Variants in CTNNA3 observed in about 807,000 individuals in gnomAD.
The protein encoded by CTNNA3 is catenin alpha-3.
CTNNA3 carries 76 observed loss-of-function variants against 95.7 expected under a neutral mutation model. The observed-to-expected ratio is 0.79, with a 90% CI of 0.66 to 0.96. The LOEUF is 0.96. Ranked by LOEUF, CTNNA3 falls within the 40% of genes least tolerant of loss-of-function variation. The pLI is 0.00. For missense variants in CTNNA3, 1,191 were observed against 1,089.8 expected, an observed-to-expected ratio of 1.09 and a Z score of -1.31; for synonymous variants, 431 against 374.4, an observed-to-expected ratio of 1.15 and a Z score of -1.74.
intron 13 of CTNNA3, among the ~76,000 whole-genome samples, chr10:66,114,392 A>G (rs1000150020): frequency 2.0e-5 from 3 of 151,720 alleles, no homozygotes; most frequent in Non-Finnish European, 4.4e-5. Flanking sequence ...GTGTGTATAT[A>G]TGTATATGTG....
At chr10:67,691,580 C>T (rs1840854810) in intron 1 of CTNNA3, among the ~76,000 whole-genome samples, 2 of 151,256 alleles carry the variant, frequency 1.3e-5, no homozygotes, top group Admixed American at 6.6e-5. Context: ...TCTGCCCGGT[C>T]GCCCCGTCTG....
intron 13 of CTNNA3, among the ~76,000 whole-genome samples, chr10:66,161,662 GAT>G (rs1337258194): frequency 1.3e-5 from 2 of 152,200 alleles, no homozygotes; most frequent in Non-Finnish European, 2.9e-5. Context: ...TGTATAGCCT[GAT>G]GACAATGTGC....
At chr10:66,644,620 T>C (rs1464123649) in intron 9 of CTNNA3, among the ~76,000 whole-genome samples, 1 of 151,788 alleles carries the variant, frequency 6.6e-6, no homozygotes, top group Non-Finnish European at 1.5e-5. Context: ...GCAAACTTTA[T>C]CCCCGTCTTA....
At chr10:66,822,791 C>A (rs1359165355) in intron 7 of CTNNA3, among the ~76,000 whole-genome samples, 1 of 152,178 alleles carries the variant, frequency 6.6e-6, no homozygotes, top group Admixed American at 6.5e-5. Flanking sequence ...GCTAGTAAGA[C>A]CTGCCAGGAA....
intron 13 of CTNNA3, among the ~76,000 whole-genome samples, chr10:66,273,963 G>T (rs1200558965): frequency 6.6e-6 from 1 of 151,958 alleles, no homozygotes. Flanking sequence ...TCGAAGAAAA[G>T]ACAATTCTAA....
At chr10:66,061,214 G>A (rs1354055275) in intron 15 of CTNNA3, among the ~76,000 whole-genome samples, 1 of 152,094 alleles carries the variant, frequency 6.6e-6, no homozygotes, top group African/African-American at 2.4e-5. Context: ...GAACAGAGAT[G>A]CCTTGCTGCA....
At chr10:66,713,702 A>T (rs1416997197) in intron 9 of CTNNA3, among the ~76,000 whole-genome samples, 1 of 152,078 alleles carries the variant, frequency 6.6e-6, no homozygotes, top group East Asian at 1.9e-4. Context: ...AGCCTTGTCC[A>T]CCTATATTCT....
chr10:67,023,606 A>G (rs1169280131), intron 7 of CTNNA3, among the ~76,000 whole-genome samples: 9 of 152,316 alleles, frequency 5.9e-5, no homozygotes, highest in Middle Eastern at 6.8e-3. Flanking sequence ...CTCAGCTTGG[A>G]AAGACCTAAA....
At chr10:66,681,539 T>C (rs1193452992) in intron 9 of CTNNA3, among the ~76,000 whole-genome samples, 2 of 152,050 alleles carry the variant, frequency 1.3e-5, no homozygotes, top group African/African-American at 4.8e-5. Context: ...CAAAACAATA[T>C]CGGAGTCCTG....
At chr10:67,688,222 G>T (rs191693597) in intron 1 of CTNNA3, among the ~76,000 whole-genome samples, 1 of 152,070 alleles carries the variant, frequency 6.6e-6, no homozygotes, top group Non-Finnish European at 1.5e-5. Context: ...ACATGTACCC[G>T]GGTTGGGCCA....
intron 11 of CTNNA3, among the ~76,000 whole-genome samples, chr10:66,431,765 G>A (rs2093298558): frequency 8.8e-6 from 1 of 113,348 alleles, no homozygotes; most frequent in African/African-American, 3.2e-5. Flanking sequence ...GGGGAGGGGG[G>A]AGGGATAGCA....
intron 7 of CTNNA3, among the ~76,000 whole-genome samples, chr10:67,111,221 ATTAAT>A (rs1363907742): frequency 1.3e-5 from 2 of 152,192 alleles, no homozygotes; most frequent in Non-Finnish European, 2.9e-5. Context: ...AAAAGCTTAC[ATTAAT>A]TTATCTTGAA....
At chr10:66,481,320 T>C (rs576703322) in intron 11 of CTNNA3, among the ~76,000 whole-genome samples, 1 of 152,212 alleles carries the variant, frequency 6.6e-6, no homozygotes, top group African/African-American at 2.4e-5. Context: ...AAAAATCAGA[T>C]ATTATTGACA....
intron 13 of CTNNA3, among the ~76,000 whole-genome samples, chr10:66,244,717 A>G (rs10997006): frequency 0.21 from 32,565 of 152,120 alleles, 3,674 homozygotes; most frequent in South Asian, 0.29. Context: ...ATACAGCTTA[A>G]ATCACAATGT....
chr10:65,953,286 A>C (rs1370648034), intron 17 of CTNNA3, among the ~76,000 whole-genome samples: 1 of 152,082 alleles, frequency 6.6e-6, no homozygotes, highest in Non-Finnish European at 1.5e-5. Flanking sequence ...TTCTATTTCT[A>C]ATTTAGGACA....
At chr10:66,978,960 CTTTTTTT>C (rs34112681) in intron 7 of CTNNA3, among the ~76,000 whole-genome samples, 1 of 83,782 alleles carries the variant, frequency 1.2e-5, no homozygotes, top group African/African-American at 4.5e-5. Flanking sequence ...TACTTATTTC[CTTTTTTT>C]TTTTTTTTTT....
At chr10:67,231,223 C>T (rs577678868) in intron 5 of CTNNA3, among the ~76,000 whole-genome samples, 33 of 152,332 alleles carry the variant, frequency 2.2e-4, no homozygotes, top group African/African-American at 7.0e-4. Flanking sequence ...CTGGGGGCAG[C>T]GCACAGACAA....
At chr10:66,841,781 A>G (rs953664050) in intron 7 of CTNNA3, among the ~76,000 whole-genome samples, 2 of 152,206 alleles carry the variant, frequency 1.3e-5, no homozygotes, top group South Asian at 2.1e-4. Flanking sequence ...AGTATAATGT[A>G]TGGGTAATAC....
intron 5 of CTNNA3, among the ~76,000 whole-genome samples, chr10:67,305,505 G>C (rs549016578): frequency 5.9e-5 from 9 of 152,132 alleles, no homozygotes; most frequent in African/African-American, 1.7e-4. Flanking sequence ...TGCTAACTAT[G>C]CTAAAATCTA....
Sources: gnomAD v4.1 joint callset for allele counts (sites outside exome capture counted in the v4.1 genomes callset) on GRCh38, gnomAD v4.1.1 for gene constraint, MANE v1.5 for transcripts, NCBI Gene and HGNC (gene_info 2026-07-23, HGNC 2026-07-21) for gene names.